ADCK1: variants seen among roughly 807,000 people sequenced by gnomAD.
The protein encoded by ADCK1 is aarF domain containing kinase 1, also known as aarF domain-containing protein kinase 1.
A neutral mutation model predicts 52.3 loss-of-function variants in ADCK1; 41 were observed. The ratio of observed to expected loss-of-function variants is 0.78; its 90% CI spans 0.61 to 1.02. The LOEUF is 1.02. Among genes scored for constraint, ADCK1 ranks in the 50% least tolerant of loss-of-function variants. The probability of loss-of-function intolerance (pLI) is 0.00; values close to 1 mark genes in which losing one functional copy is unlikely to be tolerated. For missense variants in ADCK1, 658 were observed against 679.5 expected (o/e 0.97, Z 0.35); for synonymous variants, 250 against 274.6 (o/e 0.91, Z 0.89).
chr14:77,928,742 G>A (rs1595105669), intron 9 of ADCK1, among the ~76,000 whole-genome samples: 2 of 152,252 alleles, frequency 1.3e-5, no homozygotes, highest in East Asian at 1.9e-4. Context: ...TTACAGTCAT[G>A]AGCCACCGTG....
At chr14:77,919,892 T>C (rs1056815057) in intron 7 of ADCK1, among the ~76,000 whole-genome samples, 4 of 152,186 alleles carry the variant, frequency 2.6e-5, no homozygotes, top group African/African-American at 9.7e-5. Context: ...CTTTTGAGAA[T>C]TGTCTATTCA....
At chr14:77,927,962 G>A (rs1055793264) in intron 9 of ADCK1, among the ~76,000 whole-genome samples, 5 of 152,200 alleles carry the variant, frequency 3.3e-5, no homozygotes, top group African/African-American at 1.2e-4. Flanking sequence ...CTCTTTTTAA[G>A]TATCTCTCTC....
intron 4 of ADCK1, among the ~76,000 whole-genome samples, chr14:77,870,111 T>C (rs898852906): frequency 1.3e-5 from 2 of 152,242 alleles, no homozygotes; most frequent in Admixed American, 1.3e-4. Flanking sequence ...TGTTATGTAG[T>C]GTGCATTGGC....
chr14:77,895,753 G>T, intron 5 of ADCK1, among the ~76,000 whole-genome samples: 1 of 152,110 alleles, frequency 6.6e-6, no homozygotes, highest in East Asian at 1.9e-4. Context: ...TGAACCCGAC[G>T]ACTCTTAACC....
intron 6 of ADCK1, among the ~76,000 whole-genome samples, chr14:77,901,131 G>A (rs565938869): frequency 1.3e-5 from 2 of 149,254 alleles, no homozygotes; most frequent in East Asian, 4.0e-4. Context: ...TGCAGTCTCC[G>A]CCTCCTGGGT....
chr14:77,857,485 T>C (rs2082443581), intron 3 of ADCK1, among the ~76,000 whole-genome samples: 1 of 152,170 alleles, frequency 6.6e-6, no homozygotes, highest in Admixed American at 6.5e-5. Flanking sequence ...AAGTTTACTT[T>C]ATGTTTGTAC....
intron 3 of ADCK1, among the ~76,000 whole-genome samples, chr14:77,846,837 G>A (rs17825983): frequency 0.036 from 5,488 of 152,324 alleles, 145 homozygotes; most frequent in South Asian, 0.065. Context: ...CTGTGGACCC[G>A]AAGCGGAGAA....
intron 1 of ADCK1, among the ~76,000 whole-genome samples, chr14:77,812,548 G>T (rs1020549062): frequency 2.0e-5 from 3 of 152,066 alleles, no homozygotes; most frequent in Non-Finnish European, 4.4e-5. Flanking sequence ...TTTGTGGATG[G>T]ACACTTAGGT....
chr14:77,913,431 C>T (rs1366530485), intron 7 of ADCK1, among the ~76,000 whole-genome samples: 1 of 152,210 alleles, frequency 6.6e-6, no homozygotes, highest in African/African-American at 2.4e-5. Context: ...TTGTTTGTGT[C>T]TGTGAGCCCA....
intron 3 of ADCK1, among the ~76,000 whole-genome samples, chr14:77,828,643 TCCTCCCTCAG>T (rs1273418594): frequency 6.6e-6 from 1 of 152,094 alleles, no homozygotes; most frequent in African/African-American, 2.4e-5. Context: ...CAAGCGATTC[TCCTCCCTCAG>T]CCTCCCTGGG....
chr14:77,837,586 G>GAC (rs141116667), intron 3 of ADCK1, among the ~76,000 whole-genome samples: 30 of 152,330 alleles, frequency 2.0e-4, no homozygotes, highest in African/African-American at 6.3e-4. Flanking sequence ...GCCAAATGGT[G>GAC]CAGCTCCTCA....
chr14:77,842,441 AT>A (rs35911154), intron 3 of ADCK1, among the ~76,000 whole-genome samples: 7 of 78,310 alleles, frequency 8.9e-5, no homozygotes, highest in East Asian at 3.8e-4. Context: ...CTTTCAGGGT[AT>A]TTTTTTTTCC....
intron 3 of ADCK1, among the ~76,000 whole-genome samples, chr14:77,846,385 G>C (rs1201500955): frequency 6.6e-6 from 1 of 152,132 alleles, no homozygotes; most frequent in Non-Finnish European, 1.5e-5. Flanking sequence ...AGTTCCCTTT[G>C]GGTGACCCTG....
intron 6 of ADCK1, among the ~76,000 whole-genome samples, chr14:77,904,365 C>T (rs2083611345): frequency 6.6e-6 from 1 of 152,232 alleles, no homozygotes; most frequent in African/African-American, 2.4e-5. Context: ...AACTTACCCA[C>T]AGTCACACAG....
chr14:77,814,426 G>A (rs200320872), intron 1 of ADCK1, among the ~76,000 whole-genome samples: 4 of 145,206 alleles, frequency 2.8e-5, no homozygotes, highest in Admixed American at 6.9e-5. Flanking sequence ...TCTCTTTACT[G>A]AAAAAAAAAA....
chr14:77,909,127 C>CTTTTT (rs55821210), intron 7 of ADCK1, among the ~76,000 whole-genome samples: 3 of 103,312 alleles, frequency 2.9e-5, no homozygotes, highest in Non-Finnish European at 5.6e-5. Flanking sequence ...GAGGTAAATG[C>CTTTTT]TTTTTTTTTT....
chr14:77,920,589 C>A (rs928715897), intron 7 of ADCK1, among the ~76,000 whole-genome samples: 2 of 151,944 alleles, frequency 1.3e-5, no homozygotes, highest in African/African-American at 2.4e-5. Flanking sequence ...GGACTTGCCC[C>A]CTTATTAACG....
At chr14:77,866,742 T>A (rs2082668828) in intron 4 of ADCK1, among the ~76,000 whole-genome samples, 1 of 152,082 alleles carries the variant, frequency 6.6e-6, no homozygotes, top group Admixed American at 6.5e-5. Context: ...CTAACCCTCT[T>A]CACTTGCAAG....
At chr14:77,931,284 C>T (rs2287653) in intron 9 of ADCK1, among the ~76,000 whole-genome samples, 32,606 of 152,164 alleles carry the variant, frequency 0.21, 3,615 homozygotes, top group South Asian at 0.33. Context: ...TCACATCCAA[C>T]GCTTTCCTAG....
Sources: gnomAD v4.1 joint callset for allele counts (sites outside exome capture counted in the v4.1 genomes callset) on GRCh38, gnomAD v4.1.1 for gene constraint, MANE v1.5 for transcripts, NCBI Gene and HGNC (gene_info 2026-07-23, HGNC 2026-07-21) for gene names.